The following SLC24A5 variants were observed in gnomAD, a reference collection of about 807,000 sequenced individuals.
The protein encoded by SLC24A5 is sodium/potassium/calcium exchanger 5.
Under a neutral mutation model 51.6 loss-of-function variants are expected in SLC24A5, and 46 were observed. The observed-to-expected ratio is 0.89, with a 90% CI of 0.70 to 1.14. The LOEUF (loss-of-function observed/expected upper bound fraction) is 1.14. Among genes scored for constraint, SLC24A5 ranks in the 50% most tolerant of loss-of-function variants. The pLI is 0.00. For synonymous variants in SLC24A5, 230 were observed against 214.9 expected (o/e 1.07, Z -0.62); for missense variants, 581 against 604.1 (o/e 0.96, Z 0.40).
At chr15:48,122,414 T>G in intron 2 of SLC24A5, 1 of 326,186 alleles carries the variant, frequency 3.1e-6, no homozygotes, top group Non-Finnish European at 5.5e-6. Context: ...AAACTTTTTT[T>G]TATTTTTACT....
At chr15:48,126,699 T>TGAGAGACAGGAA (rs1224678654) in intron 2 of SLC24A5, among the ~76,000 whole-genome samples, 15 of 152,224 alleles carry the variant, frequency 9.9e-5, no homozygotes, top group African/African-American at 3.6e-4. Context: ...GGGGTGTGTA[T>TGAGAGACAGGAA]GAGAGACAGG....
chr15:48,136,461 TAA>T (rs56091519), intron 5 of SLC24A5: 129 of 313,334 alleles, frequency 4.1e-4, no homozygotes, highest in Non-Finnish European at 4.9e-4. Flanking sequence ...ATCTTGTTTT[TAA>T]AAAAAAAAAA....
chr15:48,133,316 T>A (rs928356819), intron 2 of SLC24A5, among the ~76,000 whole-genome samples: 1 of 152,158 alleles, frequency 6.6e-6, no homozygotes. Flanking sequence ...TAGTTTTTAG[T>A]TTATCAGTAA....
At chr15:48,123,583 C>A (rs1017009434) in intron 2 of SLC24A5, 41 of 152,062 alleles carry the variant, frequency 2.7e-4, no homozygotes, top group Admixed American at 2.0e-4. Context: ...ATAGTAGGCA[C>A]CCAGTAGAAA....
intron 5 of SLC24A5, chr15:48,135,766 G>GT (rs777507674): frequency 4.6e-5 from 7 of 151,858 alleles, no homozygotes; most frequent in Admixed American, 1.3e-4. Context: ...GCAGCACGGC[G>GT]TAATACCTGC....
Position 48,136,732 on chromosome 15 carries a change from CTG to C in SLC24A5, c.644_645del (p.Cys215PhefsTer2). On this transcript the variant is annotated frameshift_variant, in exon 6 of 9. Transcript: ENST00000341459. LOFTEE classifies it high-confidence loss of function. Reference sequence around the variant, plus strand: ...GATATATGGATTGTATGTTTTGGTGCTGTGTTTTGACATTAAAATTAACCAAT... The same window carrying C: ...GATATATGGATTGTATGTTTTGGTGCTGTTTTGACATTAAAATTAACCAAT... ...LLIYGLYVLV[L>X]CFDIKINQYI... 3.7e-6 allele frequency: 6 copies of C among 1,613,262 alleles called. No individual in the cohort carries two copies. The highest frequency in any genetic ancestry group is 1.7e-5 in the Admixed American group (1 of 59,918).
In SLC24A5 at chr15:48,142,159, A is replaced by C. The variant is rs532514419; in HGVS notation, c.1311A>C (p.Gly437=). The C allele has an allele frequency of 3.7e-6, 6 of 1,613,902 alleles. No individual in the cohort carries two copies. The East Asian group carries it at 1.3e-4, about 36-fold the overall frequency. ...GSAPAEVNSR[G]LTYITISLNI... ...CTCCTGCAGAAGTAAACAGCAGAGG[A>C]CTAACTTACATAACCATCTCTCTCA... is the stretch of plus-strand genomic sequence containing the variant. Residue 437 remains glycine, a synonymous_variant, in exon 9 of 9, where the codon GGA becomes GGC. Transcript: ENST00000341459.
chr15:48,134,189 A>G (rs1302361416), intron 2 of SLC24A5, 69 bp from the exon 3 acceptor site: 4 of 1,257,770 alleles, frequency 3.2e-6, no homozygotes, highest in South Asian at 2.4e-5. Context: ...TTGAGTATCT[A>G]TTGTGTTTAG....
Position 48,121,935 on chromosome 15 carries a change from G to T in SLC24A5, c.200G>T (p.Gly67Val). 1.2e-6 allele frequency: 2 copies of T among 1,614,152 alleles called. No individual in the cohort carries two copies. Among genetic ancestry groups the T allele is most frequent in the Non-Finnish European group, 1.7e-6 (2 of 1,180,016 alleles). The change falls in exon 2 of 9, where the codon GGA becomes GTA. Residue 67 changes from glycine (G) to valine (V), a missense_variant. Physicochemically the swap from Gly to Val is moderately radical, Grantham distance 109 (BLOSUM62 -3). Coordinates refer to ENST00000341459, the MANE Select transcript of SLC24A5 (RefSeq NM_205850.3). Reference sequence around the variant, plus strand: ...TTCACGAGACAGGAGCGCAGAGATGGAGGCATCATAATCTATTTCCTAATT... The same window carrying T: ...TTCACGAGACAGGAGCGCAGAGATGTAGGCATCATAATCTATTTCCTAATT... ...GFFTRQERRD[G>V]GIIIYFLIIV...
Position 48,139,013 on chromosome 15 carries a change from AT to A in SLC24A5, c.922del (p.Trp308GlyfsTer13). On this transcript the variant is annotated frameshift_variant, in exon 7 of 9. Transcript: ENST00000341459. LOFTEE classifies it high-confidence loss of function. The stretch of plus-strand genomic sequence containing the variant: ...CATGCCTGAAGCAGACTTAAAAAGA[AT>A]TTTTTGGGTATTATCCCTTCCTATT... ...FNMPEADLKR[I>X]FWVLSLPIIT... The A allele has an allele frequency of 1.2e-6, 2 of 1,613,044 alleles. No homozygotes were observed. The highest frequency in any genetic ancestry group is 2.2e-5 in the East Asian group (1 of 44,762).
chr15:48,134,107 A>G, intron 2 of SLC24A5, 151 bp from the exon 3 acceptor site: 2 of 678,746 alleles, frequency 2.9e-6, no homozygotes, highest in Non-Finnish European at 5.0e-6. Flanking sequence ...TAAAGAAGCA[A>G]AACATTGGAC....
intron 2 of SLC24A5, among the ~76,000 whole-genome samples, chr15:48,127,927 G>T (rs1053023608): frequency 6.6e-6 from 1 of 150,978 alleles, no homozygotes; most frequent in African/African-American, 2.4e-5. Context: ...ATCTTTTATT[G>T]TTTAAAAAGT....
At chr15:48,132,149 T>G (rs2038796818) in intron 2 of SLC24A5, among the ~76,000 whole-genome samples, 1 of 152,200 alleles carries the variant, frequency 6.6e-6, no homozygotes, top group South Asian at 2.1e-4. Context: ...GCAGGTCTTC[T>G]GTTTCTTCAC....
At chr15:48,139,321 T>C in intron 7 of SLC24A5, 146 bp downstream of exon 7, 1 of 606,516 alleles carries the variant, frequency 1.6e-6, no homozygotes, top group Non-Finnish European at 2.9e-6. Flanking sequence ...GATTAAGTAT[T>C]ACTATAACAA....
chr15:48,137,035 G>A, intron 6 of SLC24A5, 72 bp downstream of exon 6: 2 of 1,462,208 alleles, frequency 1.4e-6, no homozygotes, highest in Non-Finnish European at 1.8e-6. Flanking sequence ...TTTCAATTCA[G>A]CAAGTATTGT....
At chr15:48,132,646 G>T (rs2038802637) in intron 2 of SLC24A5, among the ~76,000 whole-genome samples, 1 of 152,074 alleles carries the variant, frequency 6.6e-6, no homozygotes, top group Non-Finnish European at 1.5e-5. Flanking sequence ...AGGGTCTCTT[G>T]TGCAGCTATG....
At chr15:48,132,303 T>G (rs1207514261) in intron 2 of SLC24A5, among the ~76,000 whole-genome samples, 1 of 152,122 alleles carries the variant, frequency 6.6e-6, no homozygotes, top group Admixed American at 6.6e-5. Flanking sequence ...ATCTAAAATT[T>G]CAATCCTTCC....
chr15:48,141,382 G>A, intron 8 of SLC24A5, 168 bp downstream of exon 8: 2 of 471,628 alleles, frequency 4.2e-6, no homozygotes, highest in South Asian at 4.5e-5. Flanking sequence ...TTTGAGACCA[G>A]CCTGACCAAC....
chr15:48,131,670 A>G (rs1397367813), intron 2 of SLC24A5, among the ~76,000 whole-genome samples: 3 of 151,844 alleles, frequency 2.0e-5, no homozygotes, highest in Non-Finnish European at 1.5e-5. Context: ...AGCCAAATAA[A>G]CCTTTTTTTC....
Sources: allele counts gnomAD v4.1 joint callset (sites outside exome capture counted in the v4.1 genomes callset), GRCh38; gene constraint gnomAD v4.1.1; transcripts MANE v1.5; gene names NCBI Gene and HGNC (gene_info 2026-07-23, HGNC 2026-07-21).